Variants in AUTS2 observed in about 807,000 individuals in gnomAD.
AUTS2 encodes the protein autism susceptibility gene 2 protein.
A neutral mutation model predicts 112.4 loss-of-function variants in AUTS2; 17 were observed. The observed-to-expected ratio is 0.15, with a 90% CI of 0.10 to 0.23. The LOEUF is 0.23. Ranked by LOEUF, AUTS2 falls within the 10% of genes least tolerant of loss-of-function variation. The pLI is 1.00. For synonymous variants in AUTS2, 751 were observed against 702.7 expected, an observed-to-expected ratio of 1.07 and a Z score of -1.09; for missense variants, 1,510 against 1,701.6, an observed-to-expected ratio of 0.89 and a Z score of 1.98.
At chr7:70,496,798 C>CCCCA in intron 5 of AUTS2, among the ~76,000 whole-genome samples, 1 of 133,460 alleles carries the variant, frequency 7.5e-6, no homozygotes, top group Non-Finnish European at 1.6e-5. Context: ...CACACACACC[C>CCCCA]CACACATGCA....
At chr7:70,753,415 C>T (rs1055459906) in intron 6 of AUTS2, among the ~76,000 whole-genome samples, 1 of 152,188 alleles carries the variant, frequency 6.6e-6, no homozygotes, top group African/African-American at 2.4e-5. Context: ...CGAGCCCTGC[C>T]AAGCACCCAT....
intron 4 of AUTS2, among the ~76,000 whole-genome samples, chr7:70,177,798 T>C (rs1248775111): frequency 3.8e-5 from 4 of 105,458 alleles, no homozygotes; most frequent in Non-Finnish European, 4.0e-5. Flanking sequence ...TTTAATTAAA[T>C]CTGTCTGTTC....
At position 70,742,295 on chromosome 7, in the gene AUTS2, C is replaced by T. The variant is rs553646460; in HGVS notation, c.743-20575C>T. On this transcript the variant is annotated intron_variant, in intron 6 of 18. Coordinates refer to ENST00000342771, the MANE Select transcript of AUTS2 (RefSeq NM_015570.4). ...CTAGCCATTTTCCAAAGTCTCCCCC[C>T]GCCAGAGGAATATCTCATAAGTCTG... Among the ~76,000 whole-genome samples the T allele has an allele frequency of 7.9e-5, 12 of 152,242 alleles. No homozygotes were observed. In the South Asian group the frequency reaches 1.5e-3, roughly 18 times the overall value.
At chr7:70,768,969 A>T (rs1210809709) in intron 10 of AUTS2, among the ~76,000 whole-genome samples, 1 of 146,784 alleles carries the variant, frequency 6.8e-6, no homozygotes, top group Non-Finnish European at 1.5e-5. Flanking sequence ...GTTCTTGCTT[A>T]GGTTTGTAGA....
At chr7:70,265,356 A>G (rs536927924) in intron 4 of AUTS2, among the ~76,000 whole-genome samples, 37 of 152,240 alleles carry the variant, frequency 2.4e-4, no homozygotes, top group African/African-American at 8.9e-4. Flanking sequence ...TGAATTAAGT[A>G]TGCAGTTTGT....
chr7:69,732,969 G>A (rs1056153568), intron 1 of AUTS2, among the ~76,000 whole-genome samples: 1 of 152,166 alleles, frequency 6.6e-6, no homozygotes, highest in Non-Finnish European at 1.5e-5. Context: ...AACATAGATT[G>A]GTGTTTAATT....
chr7:70,116,158 G>A (rs543939122), intron 2 of AUTS2, among the ~76,000 whole-genome samples: 7 of 152,326 alleles, frequency 4.6e-5, no homozygotes, highest in East Asian at 3.9e-4. Flanking sequence ...GAGCTTTAGC[G>A]TTGACTGAGG....
At chr7:70,746,148 G>A (rs1788438415) in intron 6 of AUTS2, among the ~76,000 whole-genome samples, 1 of 152,088 alleles carries the variant, frequency 6.6e-6, no homozygotes, top group Non-Finnish European at 1.5e-5. Context: ...GTTTTTTGTT[G>A]TTGTTGTTGT....
chr7:69,760,206 T>C (rs1432975441), intron 1 of AUTS2, among the ~76,000 whole-genome samples: 1 of 148,430 alleles, frequency 6.7e-6, no homozygotes, highest in Non-Finnish European at 1.5e-5. Context: ...TCTTTTTTTT[T>C]TTTTTTTTAA....
At chr7:69,852,555 C>T (rs907921994) in intron 1 of AUTS2, among the ~76,000 whole-genome samples, 2 of 151,358 alleles carry the variant, frequency 1.3e-5, no homozygotes, top group Admixed American at 6.6e-5. Context: ...TGGGCTCAAG[C>T]GATTCTCCTG....
chr7:69,699,200 C>T (rs1315350156), intron 1 of AUTS2, among the ~76,000 whole-genome samples: 1 of 151,988 alleles, frequency 6.6e-6, no homozygotes, highest in Non-Finnish European at 1.5e-5. Flanking sequence ...TATTATTGTT[C>T]ATTTCTGAGT....
intron 4 of AUTS2, among the ~76,000 whole-genome samples, chr7:70,220,543 A>G (rs1423982072): frequency 6.6e-6 from 1 of 152,250 alleles, no homozygotes; most frequent in Non-Finnish European, 1.5e-5. Flanking sequence ...CCTCTGTGAC[A>G]AAAGCCACCA....
chr7:70,282,818 A>G (rs1036548091), intron 4 of AUTS2, among the ~76,000 whole-genome samples: 2 of 152,196 alleles, frequency 1.3e-5, no homozygotes, highest in African/African-American at 4.8e-5. Context: ...CGGACTGAGC[A>G]AGATAAAATA....
At chr7:70,148,870 A>G (rs1807274710) in intron 4 of AUTS2, among the ~76,000 whole-genome samples, 1 of 152,114 alleles carries the variant, frequency 6.6e-6, no homozygotes. Flanking sequence ...TGGCATGTAA[A>G]ACAAAGCTAG....
intron 1 of AUTS2, among the ~76,000 whole-genome samples, chr7:69,816,345 C>T (rs1255580405): frequency 1.3e-5 from 2 of 152,184 alleles, no homozygotes; most frequent in Non-Finnish European, 2.9e-5. Flanking sequence ...GGGGTTAGTA[C>T]TTTCTTTTAT....
At chr7:70,499,462 C>T (rs1798688294) in intron 5 of AUTS2, among the ~76,000 whole-genome samples, 1 of 152,106 alleles carries the variant, frequency 6.6e-6, no homozygotes, top group African/African-American at 2.4e-5. Flanking sequence ...AAGAGGCTGG[C>T]GGTGCAACTT....
chr7:70,724,559 C>T (rs1039520143), intron 6 of AUTS2, among the ~76,000 whole-genome samples: 1 of 151,350 alleles, frequency 6.6e-6, no homozygotes, highest in East Asian at 2.0e-4. Flanking sequence ...CATTCTCCTG[C>T]CTCAGCCTCC....
At chr7:70,216,447 C>G (rs1811169903) in intron 4 of AUTS2, among the ~76,000 whole-genome samples, 1 of 152,128 alleles carries the variant, frequency 6.6e-6, no homozygotes, top group Admixed American at 6.5e-5. Context: ...GTGTCCCACC[C>G]ATACCCCTCT....
At chr7:69,855,100 A>T (rs1284371127) in intron 1 of AUTS2, among the ~76,000 whole-genome samples, 1 of 152,226 alleles carries the variant, frequency 6.6e-6, no homozygotes, top group African/African-American at 2.4e-5. Flanking sequence ...TTTACCCCTT[A>T]CGCTGAATGC....
Sources: allele counts gnomAD v4.1 joint callset (sites outside exome capture counted in the v4.1 genomes callset), GRCh38; gene constraint gnomAD v4.1.1; transcripts MANE v1.5; gene names NCBI Gene and HGNC (gene_info 2026-07-23, HGNC 2026-07-21).